The following SCD5 variants were observed in gnomAD, a reference collection of about 807,000 sequenced individuals.
The protein encoded by SCD5 is stearoyl-CoA desaturase 5.
SCD5 carries 20 observed loss-of-function variants against 30.4 expected under a neutral mutation model. The ratio of observed to expected loss-of-function variants is 0.66; its 90% CI spans 0.46 to 0.96. SCD5 has a LOEUF of 0.96. SCD5 is among the 40% of genes least tolerant of loss of function. The pLI, the probability that SCD5 is intolerant of heterozygous loss-of-function variation, is 0.00. For missense variants in SCD5, 381 were observed against 443.3 expected (o/e 0.86, Z 1.26); for synonymous variants, 173 against 176.4 (o/e 0.98, Z 0.16).
intron 3 of SCD5, among the ~76,000 whole-genome samples, chr4:82,675,916 G>A (rs7681711): frequency 0.67 from 101,178 of 152,040 alleles, 34,241 homozygotes; most frequent in Non-Finnish European, 0.74. Flanking sequence ...ACCCCATATC[G>A]ATTCACCCTT....
At chr4:82,671,049 G>T (rs1001235353) in intron 3 of SCD5, among the ~76,000 whole-genome samples, 20 of 152,164 alleles carry the variant, frequency 1.3e-4, no homozygotes, top group Admixed American at 1.2e-3. Flanking sequence ...AATGGAGAAA[G>T]ATATACCATT....
intron 1 of SCD5, among the ~76,000 whole-genome samples, chr4:82,772,821 C>T (rs1176904874): frequency 6.6e-6 from 1 of 152,154 alleles, no homozygotes; most frequent in African/African-American, 2.4e-5. Flanking sequence ...ACTGTTTCCT[C>T]CATGACAGCA....
At chr4:82,753,486 G>C (rs760358449) in intron 1 of SCD5, 24 of 475,802 alleles carry the variant, frequency 5.0e-5, no homozygotes, top group Admixed American at 3.8e-4. Flanking sequence ...GACAGTGATA[G>C]TGTCCATTTC....
intron 2 of SCD5, among the ~76,000 whole-genome samples, chr4:82,686,646 T>A (rs1728713193): frequency 6.6e-6 from 1 of 152,160 alleles, no homozygotes; most frequent in East Asian, 1.9e-4. Context: ...TGTATACATA[T>A]ACAATAAAAG....
chr4:82,720,441 TAAAAAAA>T (rs1553917690), intron 1 of SCD5, among the ~76,000 whole-genome samples: 3 of 77,940 alleles, frequency 3.8e-5, no homozygotes, highest in African/African-American at 5.3e-5. Flanking sequence ...AAGGCAAAAA[TAAAAAAA>T]AAAAAAAAAA....
chr4:82,712,131 G>A (rs146422041), intron 1 of SCD5, among the ~76,000 whole-genome samples: 1 of 148,006 alleles, frequency 6.8e-6, no homozygotes, highest in Non-Finnish European at 1.5e-5. Flanking sequence ...AAGAAAACTT[G>A]ACAGTGATAG....
At chr4:82,679,897 G>A (rs938144294) in intron 3 of SCD5, among the ~76,000 whole-genome samples, 1 of 152,206 alleles carries the variant, frequency 6.6e-6, no homozygotes. Context: ...CATCAGTGGA[G>A]ATGGTCACTA....
At chr4:82,755,178 T>C (rs1250069190) in intron 1 of SCD5, among the ~76,000 whole-genome samples, 2 of 151,088 alleles carry the variant, frequency 1.3e-5, no homozygotes, top group Non-Finnish European at 3.0e-5. Flanking sequence ...AGAAAATGGG[T>C]AGGAGAATGT....
chr4:82,792,125 T>C (rs551419912), intron 1 of SCD5, among the ~76,000 whole-genome samples: 1 of 152,104 alleles, frequency 6.6e-6, no homozygotes, highest in African/African-American at 2.4e-5. Flanking sequence ...GGCATGGCAG[T>C]GCATGCCTGT....
At chr4:82,793,557 T>C (rs1722143624) in intron 1 of SCD5, among the ~76,000 whole-genome samples, 1 of 152,238 alleles carries the variant, frequency 6.6e-6, no homozygotes, top group Non-Finnish European at 1.5e-5. Context: ...CTGTGCCATC[T>C]TTGTGGAATT....
At chr4:82,744,242 T>G (rs1720939908) in intron 1 of SCD5, among the ~76,000 whole-genome samples, 1 of 152,228 alleles carries the variant, frequency 6.6e-6, no homozygotes, top group Non-Finnish European at 1.5e-5. Flanking sequence ...AACAAAATGT[T>G]TTGATCATGC....
intron 1 of SCD5, among the ~76,000 whole-genome samples, chr4:82,718,878 T>C (rs1720292073): frequency 6.6e-6 from 1 of 151,752 alleles, no homozygotes. Flanking sequence ...TTGGTTCTTA[T>C]GCATAAATTC....
At chr4:82,761,108 A>G (rs1318382043) in intron 1 of SCD5, among the ~76,000 whole-genome samples, 5 of 152,202 alleles carry the variant, frequency 3.3e-5, no homozygotes, top group African/African-American at 1.2e-4. Context: ...CTCTATAAAT[A>G]TTTCATCAAA....
At chr4:82,735,870 A>ACC (rs1720740153) in intron 1 of SCD5, among the ~76,000 whole-genome samples, 1 of 152,212 alleles carries the variant, frequency 6.6e-6, no homozygotes, top group African/African-American at 2.4e-5. Flanking sequence ...CCCGTGGTTA[A>ACC]ACTGGTTTCA....
intron 1 of SCD5, among the ~76,000 whole-genome samples, chr4:82,771,489 T>C (rs1164515542): frequency 6.6e-6 from 1 of 152,244 alleles, no homozygotes; most frequent in Admixed American, 6.5e-5. Flanking sequence ...TATGCCTATG[T>C]TATCTTTGTT....
At chr4:82,694,258 T>G (rs867914383) in intron 2 of SCD5, among the ~76,000 whole-genome samples, 5 of 152,182 alleles carry the variant, frequency 3.3e-5, no homozygotes, top group Admixed American at 1.3e-4. Context: ...AGCAGCCCTG[T>G]GCTGACTCCA....
intron 1 of SCD5, among the ~76,000 whole-genome samples, chr4:82,717,239 G>A (rs1269683991): frequency 6.6e-6 from 1 of 151,818 alleles, no homozygotes; most frequent in African/African-American, 2.4e-5. Flanking sequence ...GGAAGCAGAG[G>A]CTCTAGGGAA....
chr4:82,721,364 C>T (rs187606296), intron 1 of SCD5, among the ~76,000 whole-genome samples: 77 of 152,280 alleles, frequency 5.1e-4, no homozygotes, highest in African/African-American at 1.7e-3. Flanking sequence ...AAATCTGCAT[C>T]TCAGAATCTG....
intron 4 of SCD5, among the ~76,000 whole-genome samples, chr4:82,633,259 T>G (rs1287831040): frequency 2.6e-5 from 4 of 152,238 alleles, no homozygotes; most frequent in African/African-American, 9.6e-5. Context: ...CCTGGCTTAC[T>G]TCACTTAGCA....
Sources: allele counts gnomAD v4.1 joint callset (sites outside exome capture counted in the v4.1 genomes callset), GRCh38; gene constraint gnomAD v4.1.1; transcripts MANE v1.5; gene names NCBI Gene and HGNC (gene_info 2026-07-23, HGNC 2026-07-21).